ITPR1: variants seen among roughly 807,000 people sequenced by gnomAD.
ITPR1 encodes inositol 1,4,5-trisphosphate receptor type 1.
Under a neutral mutation model 318.4 loss-of-function variants are expected in ITPR1, and 96 were observed. That is an observed-to-expected ratio of 0.30 (90% confidence interval 0.26 to 0.36). The LOEUF is 0.36. ITPR1 is among the 10% of genes least tolerant of loss of function. The pLI is 1.00. For synonymous variants in ITPR1, 1,312 were observed against 1,289.9 expected (o/e 1.02, Z -0.37); for missense variants, 2,440 against 3,460.2 (o/e 0.71, Z 7.40).
chr3:4,622,189 C>T (rs562412135), intron 4 of ITPR1, among the ~76,000 whole-genome samples: 19 of 149,226 alleles, frequency 1.3e-4, no homozygotes, highest in Non-Finnish European at 1.9e-4. Flanking sequence ...ATCTCAGCTC[C>T]CTGCAGCCTC....
At chr3:4,657,894 C>T (rs544472207) in intron 12 of ITPR1, among the ~76,000 whole-genome samples, 6 of 152,262 alleles carry the variant, frequency 3.9e-5, no homozygotes, top group Admixed American at 1.3e-4. Flanking sequence ...TGTGAGCCAC[C>T]GTGCCCGGCT....
intron 33 of ITPR1, among the ~76,000 whole-genome samples, chr3:4,695,014 C>T (rs967298557): frequency 2.0e-5 from 3 of 152,224 alleles, no homozygotes; most frequent in South Asian, 4.1e-4. Flanking sequence ...GTATACTATT[C>T]TGTACCTTAA....
At chr3:4,711,954 A>G (rs2041403503) in intron 39 of ITPR1, 86 bp downstream of exon 39, 1 of 584,444 alleles carries the variant, frequency 1.7e-6, no homozygotes, top group Admixed American at 3.5e-5. Flanking sequence ...TAGCTCAGGC[A>G]TTACTGACTG....
chr3:4,751,529 A>C (rs984991501), intron 44 of ITPR1: 1 of 152,242 alleles, frequency 6.6e-6, no homozygotes, highest in African/African-American at 2.4e-5. Flanking sequence ...ATGTAGTTCC[A>C]TGAGGACAGG....
At chr3:4,736,170 TACAG>T (rs1365522641) in intron 44 of ITPR1, among the ~76,000 whole-genome samples, 1 of 152,084 alleles carries the variant, frequency 6.6e-6, no homozygotes, top group Non-Finnish European at 1.5e-5. Context: ...TGTATCTATG[TACAG>T]ACTCGTGTAC....
intron 31 of ITPR1, among the ~76,000 whole-genome samples, chr3:4,689,684 T>A (rs1264032822): frequency 6.6e-6 from 1 of 152,112 alleles, no homozygotes; most frequent in African/African-American, 2.4e-5. Context: ...ACCCCAAATA[T>A]AAAACTCAAT....
intron 24 of ITPR1, among the ~76,000 whole-genome samples, chr3:4,679,672 G>A (rs897738602): frequency 5.9e-5 from 9 of 152,252 alleles, no homozygotes; most frequent in Middle Eastern, 3.4e-3. Flanking sequence ...AGATTTACCC[G>A]GAAATAAAGT....
chr3:4,678,768 C>T lies in ITPR1; in HGVS notation c.2968-1785C>T, dbSNP rs970492986. Among the ~76,000 whole-genome samples, 6 of 152,094 alleles carry T rather than the reference C, an allele frequency of 3.9e-5. No individual in the cohort carries two copies. In the South Asian group the frequency reaches 8.3e-4, roughly 21 times the overall value. ...CTTTGTACATGGAGAAACAAGGGCC[C>T]GTTCTCAGGTGGATGGAGCAGCCTG... On this transcript the variant is annotated intron_variant, in intron 24 of 61. Coordinates refer to ENST00000649015, the MANE Select transcript of ITPR1 (RefSeq NM_001378452.1).
chr3:4,676,753 G>A lies in ITPR1; in HGVS notation c.2919G>A (p.Glu973=). Residue 973 remains glutamate, a synonymous_variant, in exon 24 of 62, where the codon GAG becomes GAA. Coordinates refer to ENST00000649015, the MANE Select transcript of ITPR1 (RefSeq NM_001378452.1). The stretch of plus-strand genomic sequence containing the variant: ...TGAAGCAGGCAGAGCCTGAGAAGGA[G>A]GACATCATGGTCATGGACACCAAGC... The part of the protein sequence containing the change: ...GNVKQAEPEK[E]DIMVMDTKLK... 6.2e-7 allele frequency: 1 copy of A among 1,613,736 alleles called. No individual in the cohort carries two copies. The highest frequency in any genetic ancestry group is 8.5e-7 in the Non-Finnish European group (1 of 1,179,830).
At chr3:4,777,907 A>G (rs911073106) in intron 48 of ITPR1, among the ~76,000 whole-genome samples, 2 of 152,224 alleles carry the variant, frequency 1.3e-5, no homozygotes, top group African/African-American at 4.8e-5. Flanking sequence ...AAAATAAGGA[A>G]AATTACACAA....
chr3:4,549,895 G>GAA (rs746296274), intron 4 of ITPR1, among the ~76,000 whole-genome samples: 4 of 152,176 alleles, frequency 2.6e-5, no homozygotes, highest in Non-Finnish European at 5.9e-5. Context: ...GAAAAGGGAG[G>GAA]AAAGAAAAGG....
chr3:4,811,492 C>T (rs760479706), intron 56 of ITPR1, 32 bp downstream of exon 56: 1 of 1,482,916 alleles, frequency 6.7e-7, no homozygotes, highest in Non-Finnish European at 9.3e-7. Flanking sequence ...CTTTTTAATG[C>T]TAAAAGATTA....
At chr3:4,594,433 C>A (rs559192996) in intron 4 of ITPR1, among the ~76,000 whole-genome samples, 12 of 152,208 alleles carry the variant, frequency 7.9e-5, no homozygotes, top group African/African-American at 2.9e-4. Flanking sequence ...TCCCCTGAAC[C>A]AACCCAAGAT....
At chr3:4,585,656 C>T (rs927030732) in intron 4 of ITPR1, among the ~76,000 whole-genome samples, 2 of 152,074 alleles carry the variant, frequency 1.3e-5, no homozygotes, top group African/African-American at 4.8e-5. Flanking sequence ...AGGCTGGTCT[C>T]GAACTCCTGA....
At chr3:4,670,379 C>T (rs1020692018) in intron 19 of ITPR1, among the ~76,000 whole-genome samples, 6 of 152,136 alleles carry the variant, frequency 3.9e-5, no homozygotes, top group East Asian at 1.9e-4. Context: ...TTTCACATTT[C>T]GGGCTTGGTA....
intron 2 of ITPR1, among the ~76,000 whole-genome samples, chr3:4,502,070 G>A (rs1464727488): frequency 2.0e-5 from 3 of 152,206 alleles, no homozygotes; most frequent in African/African-American, 4.8e-5. Context: ...AGCATCCCAA[G>A]CACATATTTC....
At chr3:4,649,530 C>T (rs181092686) in intron 10 of ITPR1, among the ~76,000 whole-genome samples, 61 of 152,306 alleles carry the variant, frequency 4.0e-4, no homozygotes, top group South Asian at 6.2e-4. Flanking sequence ...CTCCCATTCT[C>T]CTGCGCTTGG....
chr3:4,829,816 T>C (rs931350069), intron 60 of ITPR1, among the ~76,000 whole-genome samples: 1 of 152,078 alleles, frequency 6.6e-6, no homozygotes, highest in Non-Finnish European at 1.5e-5. Context: ...CAGAATAGTT[T>C]CTGCTCTAAA....
chr3:4,621,609 T>C (rs2092636984), intron 4 of ITPR1, among the ~76,000 whole-genome samples: 1 of 152,226 alleles, frequency 6.6e-6, no homozygotes, highest in Admixed American at 6.5e-5. Context: ...GAAGCCTTTG[T>C]GTGGTTTCCT....
Sources: gnomAD v4.1 joint callset for allele counts (sites outside exome capture counted in the v4.1 genomes callset) on GRCh38, gnomAD v4.1.1 for gene constraint, MANE v1.5 for transcripts, NCBI Gene and HGNC (gene_info 2026-07-23, HGNC 2026-07-21) for gene names.